Variants in NKAIN2 observed in about 807,000 individuals in gnomAD.
NKAIN2 encodes the protein sodium/potassium transporting ATPase interacting 2.
Under a neutral mutation model 32.6 loss-of-function variants are expected in NKAIN2, and 14 were observed. That is an observed-to-expected ratio of 0.43 (90% CI 0.28 to 0.67). The LOEUF is 0.67. Ranked by LOEUF, NKAIN2 falls within the 30% of genes least tolerant of loss-of-function variation. The pLI is 0.17. For missense variants in NKAIN2, 198 were observed against 258.3 expected (o/e 0.77, Z 1.60); for synonymous variants, 80 against 87.2 (o/e 0.92, Z 0.46).
At chr6:123,845,577 A>T (rs768416113) in intron 1 of NKAIN2, among the ~76,000 whole-genome samples, 5 of 152,218 alleles carry the variant, frequency 3.3e-5, no homozygotes, top group Non-Finnish European at 1.5e-5. Context: ...GGGCCCACCC[A>T]TAATCAGGTT....
intron 2 of NKAIN2, among the ~76,000 whole-genome samples, chr6:124,341,155 T>A (rs1798097645): frequency 6.6e-6 from 1 of 152,138 alleles, no homozygotes; most frequent in Admixed American, 6.5e-5. Flanking sequence ...CTTACTAAAC[T>A]AAACCGTTTT....
chr6:124,600,625 T>C (rs1782269063), intron 3 of NKAIN2, among the ~76,000 whole-genome samples: 2 of 152,106 alleles, frequency 1.3e-5, no homozygotes, highest in Admixed American at 6.6e-5. Context: ...TCCAAAGGGT[T>C]AAATTTCTCT....
intron 4 of NKAIN2, among the ~76,000 whole-genome samples, chr6:124,690,888 G>A (rs752080160): frequency 6.6e-6 from 1 of 152,050 alleles, no homozygotes. Context: ...TTGTCACATG[G>A]CTTTCTTTTG....
intron 1 of NKAIN2, among the ~76,000 whole-genome samples, chr6:124,225,230 C>T (rs183145015): frequency 7.9e-5 from 12 of 152,136 alleles, no homozygotes; most frequent in Admixed American, 1.3e-4. Flanking sequence ...GATGAATTTA[C>T]TTCAATGGAC....
chr6:124,706,588 T>C (rs1775079885), intron 4 of NKAIN2, among the ~76,000 whole-genome samples: 1 of 151,932 alleles, frequency 6.6e-6, no homozygotes, highest in South Asian at 2.1e-4. Context: ...ACTGAGAAGT[T>C]CCAAACAGGG....
intron 4 of NKAIN2, among the ~76,000 whole-genome samples, chr6:124,777,669 G>C (rs890803471): frequency 6.6e-6 from 1 of 152,128 alleles, no homozygotes; most frequent in Non-Finnish European, 1.5e-5. Flanking sequence ...ATATAACTTG[G>C]AATAGTGAAG....
intron 4 of NKAIN2, among the ~76,000 whole-genome samples, chr6:124,681,331 A>G (rs1290043235): frequency 6.6e-6 from 1 of 152,002 alleles, no homozygotes; most frequent in African/African-American, 2.4e-5. Flanking sequence ...ACCTCCCACT[A>G]AGAATATCAT....
intron 1 of NKAIN2, among the ~76,000 whole-genome samples, chr6:124,188,773 T>C (rs758287716): frequency 1.3e-5 from 2 of 152,184 alleles, no homozygotes; most frequent in Non-Finnish European, 1.5e-5. Context: ...AATAGTTTGA[T>C]AGAATTTATA....
chr6:124,615,240 A>ATGT (rs1491104062), intron 3 of NKAIN2, among the ~76,000 whole-genome samples: 14 of 152,208 alleles, frequency 9.2e-5, no homozygotes, highest in Admixed American at 9.2e-4. Context: ...TTAGTTACAC[A>ATGT]TGTTACAAGC....
At chr6:123,867,938 T>A (rs573320074) in intron 1 of NKAIN2, among the ~76,000 whole-genome samples, 2 of 150,880 alleles carry the variant, frequency 1.3e-5, no homozygotes, top group Non-Finnish European at 3.0e-5. Context: ...GCGTGATCTC[T>A]GCTCACTGCA....
intron 3 of NKAIN2, among the ~76,000 whole-genome samples, chr6:124,405,374 G>A (rs1485375755): frequency 2.0e-5 from 3 of 152,042 alleles, no homozygotes; most frequent in African/African-American, 7.2e-5. Flanking sequence ...GTTTTTGTGG[G>A]ACAATTTTCA....
intron 4 of NKAIN2, among the ~76,000 whole-genome samples, chr6:124,731,093 A>G (rs1457996216): frequency 7.0e-6 from 1 of 142,378 alleles, no homozygotes; most frequent in Non-Finnish European, 1.5e-5. Context: ...AGAAATAGGA[A>G]CACTTCTACA....
At chr6:124,313,794 T>C (rs1310170217) in intron 2 of NKAIN2, among the ~76,000 whole-genome samples, 1 of 152,180 alleles carries the variant, frequency 6.6e-6, no homozygotes, top group Non-Finnish European at 1.5e-5. Context: ...AATAGCCTCA[T>C]GATGGCAAAA....
chr6:124,353,725 A>C (rs1798837213), intron 2 of NKAIN2, among the ~76,000 whole-genome samples: 1 of 151,404 alleles, frequency 6.6e-6, no homozygotes, highest in Admixed American at 6.6e-5. Flanking sequence ...ACTGCACTCC[A>C]GCCTGGGCGA....
At chr6:124,708,359 T>C (rs1775218701) in intron 4 of NKAIN2, among the ~76,000 whole-genome samples, 1 of 151,734 alleles carries the variant, frequency 6.6e-6, no homozygotes, top group African/African-American at 2.4e-5. Flanking sequence ...TTTAAAGTAG[T>C]TTTTTCCAAT....
chr6:124,068,231 T>C (rs939588592), intron 1 of NKAIN2, among the ~76,000 whole-genome samples: 3 of 152,194 alleles, frequency 2.0e-5, no homozygotes, highest in African/African-American at 7.2e-5. Context: ...TTAGTAGCTC[T>C]TGAGTTAGAG....
chr6:124,546,130 T>C (rs537276931), intron 3 of NKAIN2, among the ~76,000 whole-genome samples: 2 of 152,342 alleles, frequency 1.3e-5, no homozygotes, highest in Admixed American at 1.3e-4. Context: ...GTGCAAGTTA[T>C]ATTGTTAACC....
intron 1 of NKAIN2, among the ~76,000 whole-genome samples, chr6:124,160,378 T>TA (rs1788210101): frequency 6.6e-6 from 1 of 152,160 alleles, no homozygotes; most frequent in Non-Finnish European, 1.5e-5. Flanking sequence ...ATTCTATCAG[T>TA]AAAAACGTAT....
intron 1 of NKAIN2, among the ~76,000 whole-genome samples, chr6:124,238,028 C>A (rs1292604721): frequency 6.6e-6 from 1 of 151,960 alleles, no homozygotes; most frequent in African/African-American, 2.4e-5. Context: ...TTAGGAAAGT[C>A]ATTTTCAAAG....
Sources: gnomAD v4.1 joint callset for allele counts (sites outside exome capture counted in the v4.1 genomes callset) on GRCh38, gnomAD v4.1.1 for gene constraint, MANE v1.5 for transcripts, NCBI Gene and HGNC (gene_info 2026-07-23, HGNC 2026-07-21) for gene names.